The following TOP3A variants were observed in gnomAD, a reference collection of about 807,000 sequenced individuals.
TOP3A encodes the protein DNA topoisomerase III alpha.
In TOP3A, 64 loss-of-function variants were observed where a neutral mutation model predicts 111.3. That is an observed-to-expected ratio of 0.57 (90% CI 0.47 to 0.71). TOP3A has a LOEUF of 0.71. TOP3A is among the 30% of genes least tolerant of loss of function. The pLI, the probability that TOP3A is intolerant of heterozygous loss-of-function variation, is 0.00. For synonymous variants in TOP3A, 484 were observed against 485.1 expected (o/e 1.00, Z 0.03); for missense variants, 1,104 against 1,285.0 (o/e 0.86, Z 2.15).
At chr17:18,296,399 G>A (rs575294058) in intron 9 of TOP3A, among the ~76,000 whole-genome samples, 1 of 152,196 alleles carries the variant, frequency 6.6e-6, no homozygotes, top group Non-Finnish European at 1.5e-5. Context: ...GGCCAACATG[G>A]TGAAACCCCA....
Position 18,290,837 on chromosome 17 carries a change from A to G in TOP3A, c.1467+5T>C. On this transcript the variant is annotated splice_donor_5th_base_variant and intron_variant, in intron 12 of 18. Transcript: ENST00000321105. ...TCCCTCTCACTGGGGACCACTCTTT[A>G]TTACCTTGTCACTCCAGTGATCATA... 6.2e-7 allele frequency: 1 copy of G among 1,613,648 alleles called. No homozygotes were observed. The highest frequency in any genetic ancestry group is 8.5e-7 in the Non-Finnish European group (1 of 1,179,638).
chr17:18,274,781 G>C lies in TOP3A; in HGVS notation c.*21C>G. ...AAGGGGACAGGTCTGAGAAAGTGGC[G>C]TTCTCTACCCTACCCTGAGCTCATC... On this transcript the variant is annotated 3_prime_UTR_variant, in exon 19 of 19. Coordinates refer to ENST00000321105, the MANE Select transcript of TOP3A (RefSeq NM_004618.5). The C allele has an allele frequency of 6.2e-7, 1 of 1,601,466 alleles. No individual in the cohort carries two copies. The highest frequency in any genetic ancestry group is 8.5e-7 in the Non-Finnish European group (1 of 1,172,172).
intron 18 of TOP3A, among the ~76,000 whole-genome samples, chr17:18,275,759 T>C (rs1030213815): frequency 4.0e-5 from 6 of 151,352 alleles, no homozygotes; most frequent in African/African-American, 1.5e-4. Flanking sequence ...GTTCACGCCA[T>C]TGTCCTGTCT....
chr17:18,302,920 G>A (rs9911412), intron 5 of TOP3A, 197 bp from the exon 6 acceptor site: 6,241 of 564,972 alleles, frequency 0.011, 223 homozygotes, highest in African/African-American at 0.084. Context: ...TTTAAACTGA[G>A]TGTACTGTCA....
intron 9 of TOP3A, among the ~76,000 whole-genome samples, chr17:18,297,679 C>T (rs1401291812): frequency 1.3e-5 from 2 of 152,082 alleles, no homozygotes; most frequent in East Asian, 1.9e-4. Context: ...CCAGCCTCGG[C>T]ATCCTGAGGT....
At chr17:18,311,356 C>T (rs1158089118) in intron 1 of TOP3A, among the ~76,000 whole-genome samples, 2 of 151,940 alleles carry the variant, frequency 1.3e-5, no homozygotes, top group African/African-American at 4.8e-5. Flanking sequence ...TGTAATGGCG[C>T]AATCTAGGCT....
At chr17:18,288,152 T>TA (rs1567739496) in intron 13 of TOP3A, among the ~76,000 whole-genome samples, 115 of 120,356 alleles carry the variant, frequency 9.6e-4, no homozygotes, top group Middle Eastern at 9.3e-3. Flanking sequence ...TATATATAAA[T>TA]TTTTTTTTTT....
intron 15 of TOP3A, among the ~76,000 whole-genome samples, chr17:18,283,504 T>G (rs1397282533): frequency 6.6e-6 from 1 of 152,118 alleles, no homozygotes; most frequent in Non-Finnish European, 1.5e-5. Flanking sequence ...AATAACAAAC[T>G]GTTATCTTCT....
Position 18,277,677 on chromosome 17 carries a change from G to T in TOP3A, c.2825C>A (p.Pro942Gln). ...TCCCATGCCCCTCCCTGCCTCACCT[G>T]GAGCGGTGTTCTCATCGACCCACTG... The part of the protein sequence containing the change: ...FFQWVDENTA[P>Q]GTSGAPSWTG... Residue 942 changes from proline (P) to glutamine (Q), a missense_variant and splice_region_variant, in exon 18 of 19, where the codon CCA (proline) becomes CAA (glutamine). Transcript: ENST00000321105. The T allele has an allele frequency of 6.2e-7, 1 of 1,600,690 alleles. No individual in the cohort carries two copies. The highest frequency in any genetic ancestry group is 8.6e-7 in the Non-Finnish European group (1 of 1,169,012).
chr17:18,298,601 T>C (rs1306679494), intron 9 of TOP3A, among the ~76,000 whole-genome samples: 1 of 151,100 alleles, frequency 6.6e-6, no homozygotes, highest in African/African-American at 2.4e-5. Flanking sequence ...GGAGGTTTTG[T>C]GGAATAGAAA....
At position 18,314,784 on chromosome 17, in the gene TOP3A, G is replaced by C. The variant is rs769815904; in HGVS notation, c.-6C>G. 6.6e-7 allele frequency: 1 copy of C among 1,515,254 alleles called. No homozygotes were observed. Among genetic ancestry groups the C allele is most frequent in the South Asian group, 1.2e-5 (1 of 81,954 alleles). 93.9% of individuals were successfully genotyped at this position (1,515,254 alleles called of 1,614,324 possible). A position where few individuals can be genotyped will look rare whatever the true frequency, so the allele number is the denominator to read the frequency against. On this transcript the variant is annotated 5_prime_UTR_variant, in exon 1 of 19. Coordinates refer to ENST00000321105, the MANE Select transcript of TOP3A (RefSeq NM_004618.5). Reference sequence around the variant, plus strand: ...CGGGCGACAGGAAAGATCATCCTCAGACCTCGCGCCCGGAGCCGCTCCCCG... The same window carrying C: ...CGGGCGACAGGAAAGATCATCCTCACACCTCGCGCCCGGAGCCGCTCCCCG...
At chr17:18,290,280 C>T (rs912246472) in intron 13 of TOP3A, among the ~76,000 whole-genome samples, 1 of 152,218 alleles carries the variant, frequency 6.6e-6, no homozygotes, top group African/African-American at 2.4e-5. Context: ...CCCAGTTGGG[C>T]CCTCAAAGCC....
chr17:18,304,251 C>T (rs538295323), intron 5 of TOP3A, among the ~76,000 whole-genome samples: 14 of 152,320 alleles, frequency 9.2e-5, no homozygotes, highest in African/African-American at 3.4e-4. Flanking sequence ...AGGCATGAGC[C>T]ACCGTGCCTG....
In TOP3A at chr17:18,299,080, A is replaced by T. The variant is rs961922593; in HGVS notation, c.990+479T>A. On this transcript the variant is annotated intron_variant, in intron 9 of 18. Transcript: ENST00000321105. ...AAAAATAAAAATAAAATTAAAATTA[A>T]AAAAAAAAAAGAGCAAAACTCCATC... Among the ~76,000 whole-genome samples, 5 of 141,902 alleles carry T rather than the reference A, an allele frequency of 3.5e-5. 1 individual carries two copies. In the Admixed American group the frequency reaches 3.7e-4, roughly 11 times the overall value. 93.1% of individuals were successfully genotyped at this position (141,902 alleles called of 152,430 possible).
At chr17:18,290,065 C>T (rs1980370213) in intron 13 of TOP3A, among the ~76,000 whole-genome samples, 1 of 152,204 alleles carries the variant, frequency 6.6e-6, no homozygotes, top group Non-Finnish European at 1.5e-5. Flanking sequence ...CGTGAGCAGC[C>T]TGAGTGAGCA....
At chr17:18,305,622 A>G (rs1028527784) in intron 4 of TOP3A, among the ~76,000 whole-genome samples, 6 of 151,638 alleles carry the variant, frequency 4.0e-5, no homozygotes, top group Non-Finnish European at 7.4e-5. Flanking sequence ...GTGGATCACG[A>G]GGTCAGGAGA....
chr17:18,306,935 C>T lies in TOP3A; in HGVS notation c.346G>A (p.Ala116Thr), dbSNP rs1196039008. 2.5e-6 allele frequency: 4 copies of T among 1,613,918 alleles called. No individual in the cohort carries two copies. The highest frequency in any genetic ancestry group is 1.1e-5 in the South Asian group (1 of 91,080). ...TCTGGGCAGTACTTTTCAATTTCTG[C>T]TTCAAAGAGGACAAGAGGGTTGCAG... is the stretch of plus-strand genomic sequence containing the variant. ...QSCNPLVLFE[A>T]EIEKYCPENF... The change falls in exon 4 of 19, where the codon GCA becomes ACA. Residue 116 changes from alanine (A) to threonine (T), a missense_variant. Coordinates refer to ENST00000321105, the MANE Select transcript of TOP3A (RefSeq NM_004618.5).
intron 1 of TOP3A, among the ~76,000 whole-genome samples, chr17:18,309,205 A>T (rs1012863629): frequency 2.0e-5 from 3 of 151,992 alleles, no homozygotes; most frequent in Non-Finnish European, 2.9e-5. Flanking sequence ...ATAGAATAAT[A>T]AAAAAAACAA....
intron 15 of TOP3A, among the ~76,000 whole-genome samples, chr17:18,283,627 G>C (rs1291021565): frequency 6.6e-6 from 1 of 152,086 alleles, no homozygotes; most frequent in Non-Finnish European, 1.5e-5. Flanking sequence ...ATTCAATTCT[G>C]ACACTATGCA....
Sources: gnomAD v4.1 joint callset for allele counts (sites outside exome capture counted in the v4.1 genomes callset) on GRCh38, gnomAD v4.1.1 for gene constraint, MANE v1.5 for transcripts, NCBI Gene and HGNC (gene_info 2026-07-23, HGNC 2026-07-21) for gene names.